The following MAN2A2 variants were observed in gnomAD, a reference collection of about 807,000 sequenced individuals.
The protein encoded by MAN2A2 is mannosidase alpha class 2A member 2, also known as alpha-mannosidase 2x.
A neutral mutation model predicts 126.8 loss-of-function variants in MAN2A2; 79 were observed. The ratio of observed to expected loss-of-function variants is 0.62; its 90% confidence interval spans 0.52 to 0.75. The LOEUF is 0.75. Among genes scored for constraint, MAN2A2 ranks in the 30% least tolerant of loss-of-function variants. The probability of loss-of-function intolerance (pLI) is 0.00; values close to 1 mark genes in which losing one functional copy is unlikely to be tolerated. For synonymous variants in MAN2A2, 671 were observed against 618.7 expected (o/e 1.08, Z -1.25); for missense variants, 1,392 against 1,522.4 (o/e 0.91, Z 1.43).
intron 22 of MAN2A2, among the ~76,000 whole-genome samples, chr15:90,919,416 G>A (rs148757874): frequency 6.6e-6 from 1 of 152,284 alleles, no homozygotes; most frequent in East Asian, 1.9e-4. Context: ...TTTTTATATT[G>A]TTAGTAGAGA....
rs902900424 is a variant in MAN2A2, at chr15:90,910,351, G to A, written c.1577+59G>A. 1.9e-6 allele frequency: 3 copies of A among 1,601,048 alleles called. No individual in the cohort carries two copies. In the African/African-American group the frequency reaches 4.0e-5, roughly 21 times the overall value. On this transcript the variant is annotated intron_variant, in intron 10 of 22. Transcript: ENST00000559717. ...GGAGAGTCAGCCTTTGGGGTTTAAGGAGGGGCTGGATTGGCTCAGAAGGGA... is the reference window on the plus strand; with the variant it reads ...GGAGAGTCAGCCTTTGGGGTTTAAGAAGGGGCTGGATTGGCTCAGAAGGGA...
In MAN2A2 at chr15:90,905,472, T is replaced by C; in HGVS notation, c.354T>C (p.Phe118=). ...FFSISPQDCQ[F]ALGGRGQKPE... is the part of the protein sequence containing the mutation. ...CCATCTCCCCGCAGGACTGCCAGTT[T>C]GCTTTGGGGGGCCGGGGTCAGAAGC... The change falls in exon 3 of 23, where the codon TTT becomes TTC. Residue 118 remains phenylalanine, a synonymous_variant. Coordinates refer to ENST00000559717, the MANE Select transcript of MAN2A2 (RefSeq NM_006122.4). The C allele has an allele frequency of 6.2e-7, 1 of 1,613,982 alleles. No individual in the cohort carries two copies. The highest frequency in any genetic ancestry group is 8.5e-7 in the Non-Finnish European group (1 of 1,180,010).
At chr15:90,918,870 A>T in intron 22 of MAN2A2, 115 bp downstream of exon 22, 1 of 757,690 alleles carries the variant, frequency 1.3e-6, no homozygotes, top group Non-Finnish European at 2.2e-6. Flanking sequence ...GGCTTTCTGG[A>T]GAGAAGGGGG....
At position 90,922,241 on chromosome 15, in the gene MAN2A2, GAA is replaced by G. The variant is rs2035575423; in HGVS notation, c.*2456_*2457del. 1 of 152,188 alleles carries G rather than the reference GAA, an allele frequency of 6.6e-6. No individual in the cohort carries two copies. Among genetic ancestry groups the G allele is most frequent in the South Asian group, 2.1e-4 (1 of 4,834 alleles). The allele number at this position is 152,188 out of a possible 1,614,324, so 9.4% of individuals were successfully genotyped here. A position where few individuals can be genotyped will look rare whatever the true frequency, so the allele number is the denominator to read the frequency against. On this transcript the variant is annotated 3_prime_UTR_variant, in exon 23 of 23. Transcript: ENST00000559717. ...AAAAGCTTGCTTCAGGGTCCTTAGA[GAA>G]AGTCACTGGGGCCTGCCAAGCTGCC...
chr15:90,905,491 C>T lies in MAN2A2; in HGVS notation c.373C>T (p.Gln125Ter). 1.2e-6 allele frequency: 2 copies of T among 1,614,022 alleles called. No homozygotes were observed. Among genetic ancestry groups the T allele is most frequent in the East Asian group, 2.2e-5 (1 of 44,882 alleles). Residue 125 changes from glutamine to a stop codon, truncating the protein, a stop_gained, in exon 3 of 23, where the codon CAG becomes TAG. Transcript: ENST00000559717. LOFTEE classifies it high-confidence loss of function. Reference sequence around the variant, plus strand: ...CCAGTTTGCTTTGGGGGGCCGGGGTCAGAAGCCAGAGCTGCAGGTAAGAGT... The same window carrying T: ...CCAGTTTGCTTTGGGGGGCCGGGGTTAGAAGCCAGAGCTGCAGGTAAGAGT... The part of the protein sequence containing the change: ...DCQFALGGRG[Q>*]KPELQMLTVS...
intron 8 of MAN2A2, among the ~76,000 whole-genome samples, chr15:90,907,942 G>GCA (rs1481630670): frequency 6.6e-6 from 1 of 152,196 alleles, no homozygotes; most frequent in African/African-American, 2.4e-5. Flanking sequence ...CCTAAAGATA[G>GCA]CACTCTTGCT....
chr15:90,906,629 C>G, intron 6 of MAN2A2, 111 bp from the exon 7 acceptor site: 1 of 1,558,652 alleles, frequency 6.4e-7, no homozygotes, highest in Non-Finnish European at 8.7e-7. Flanking sequence ...GGTGTGATAT[C>G]ATCTCTCCAC....
intron 12 of MAN2A2, 37 bp from the exon 13 acceptor site, chr15:90,911,134 C>T: frequency 6.2e-7 from 1 of 1,608,036 alleles, no homozygotes. Flanking sequence ...AGGCTGAGCC[C>T]ATGATGGTTC....
intron 5 of MAN2A2, 45 bp from the exon 6 acceptor site, chr15:90,906,325 G>A: frequency 6.2e-7 from 1 of 1,611,816 alleles, no homozygotes; most frequent in East Asian, 2.2e-5. Flanking sequence ...GGCAGGACTG[G>A]GCAGAGTGTC....
chr15:90,912,324 G>T, intron 15 of MAN2A2, 45 bp downstream of exon 15: 2 of 1,604,114 alleles, frequency 1.2e-6, no homozygotes, highest in Non-Finnish European at 1.7e-6. Flanking sequence ...CCAGAGTAGG[G>T]CGTGTGTGGT....
rs760044712 is a variant in MAN2A2, at chr15:90,909,424, C to G, written c.1294C>G (p.Pro432Ala). 6.2e-7 allele frequency: 1 copy of G among 1,614,134 alleles called. No individual in the cohort carries two copies. The highest frequency in any genetic ancestry group is 1.3e-5 in the African/African-American group (1 of 75,026). ...TGGAGATGACTTCCGATATGACAAG[C>G]CCCAGGAGTGGGATGCCCAGTTCTT... ...PLGDDFRYDK[P>A]QEWDAQFFNY... Residue 432 changes from proline to alanine, a missense_variant, in exon 9 of 23, where the codon CCC becomes GCC. By Grantham distance (27) the Pro-to-Ala change is conservative. Coordinates refer to ENST00000559717, the MANE Select transcript of MAN2A2 (RefSeq NM_006122.4).
chr15:90,916,105 C>T lies in MAN2A2; in HGVS notation c.2861-18C>T. ...TTGGGGGTGGGGGCGGGCCAGCACT[C>T]ACTGTTTGCTTCCCCAGGCCAGCTG... On this transcript the variant is annotated intron_variant, in intron 19 of 22. Coordinates refer to ENST00000559717, the MANE Select transcript of MAN2A2 (RefSeq NM_006122.4). The T allele has an allele frequency of 1.2e-6, 2 of 1,613,414 alleles. No individual in the cohort carries two copies. The highest frequency in any genetic ancestry group is 1.7e-6 in the Non-Finnish European group (2 of 1,179,690).
At position 90,910,651 on chromosome 15, in the gene MAN2A2, C is replaced by A; in HGVS notation, c.1728C>A (p.Ala576=). ...ATCACGATGCCATCACTGGCACGGC[C>A]AAGGAGGCTGTGGTGGTGGACTATG... is the stretch of plus-strand genomic sequence containing the variant. The part of the protein sequence containing the change: ...FQHHDAITGT[A]KEAVVVDYGV... Residue 576 remains alanine (A), a synonymous_variant, in exon 11 of 23, where the codon GCC becomes GCA. Coordinates refer to ENST00000559717, the MANE Select transcript of MAN2A2 (RefSeq NM_006122.4). 6.2e-7 allele frequency: 1 copy of A among 1,614,090 alleles called. No homozygotes were observed. The highest frequency in any genetic ancestry group is 8.5e-7 in the Non-Finnish European group (1 of 1,180,022).
rs963920905 is a variant in MAN2A2, at chr15:90,912,895, C to A, written c.2488C>A (p.Pro830Thr). Residue 830 changes from proline to threonine, a missense_variant, in exon 17 of 23, where the codon CCC (proline) becomes ACC (threonine). Pro to Thr is a conservative substitution (Grantham distance 38). Transcript: ENST00000559717. ...GEAKPYVPKEPPVLRVTEGPF... is the reference protein window; with the variant it reads ...GEAKPYVPKETPVLRVTEGPF... ...TCTCTAGCCCTACGTCCCCAAGGAG[C>A]CCCCCGTGCTGCGTGTCACTGAAGG... The A allele has an allele frequency of 6.2e-7, 1 of 1,613,452 alleles. No homozygotes were observed. The highest frequency in any genetic ancestry group is 2.2e-5 in the East Asian group (1 of 44,874).
intron 1 of MAN2A2, 166 bp from the exon 2 acceptor site, chr15:90,904,024 A>G: frequency 1.4e-6 from 1 of 731,940 alleles, no homozygotes; most frequent in Non-Finnish European, 2.4e-6. Flanking sequence ...CAGAGCTGCT[A>G]CCAGGACCAG....
rs1277613342 is a variant in MAN2A2, at chr15:90,914,832, T to C, written c.2860+1077T>C. Among the ~76,000 whole-genome samples, 6 of 152,202 alleles carry C rather than the reference T, an allele frequency of 3.9e-5. No homozygotes were observed. The East Asian group carries it at 1.2e-3, about 29-fold the overall frequency. ...CACGCCCGGCCAAGACTGACGTTCT[T>C]AAGAATCAAGACGGGCATGGGGAGC... On this transcript the variant is annotated intron_variant, in intron 19 of 22. Transcript: ENST00000559717.
At chr15:90,904,037 G>A (rs1223874523) in intron 1 of MAN2A2, 153 bp from the exon 2 acceptor site, 2 of 790,450 alleles carry the variant, frequency 2.5e-6, no homozygotes, top group Non-Finnish European at 4.4e-6. Context: ...AGGACCAGGT[G>A]GGCCAGCCTC....
rs372617199 is a variant in MAN2A2, at chr15:90,912,297, T to C, written c.2346+18T>C. On this transcript the variant is annotated intron_variant, in intron 15 of 22. Transcript: ENST00000559717. ...TCCTCAAGGTAAAAGGCCAGGGTGGTGGGGAAGGGCCAGGGGCCAGAGTAG... is the reference window on the plus strand; with the variant it reads ...TCCTCAAGGTAAAAGGCCAGGGTGGCGGGGAAGGGCCAGGGGCCAGAGTAG... 6.2e-5 allele frequency: 100 copies of C among 1,612,868 alleles called. No homozygotes were observed. The South Asian group carries it at 9.8e-4, about 16-fold the overall frequency.
intron 6 of MAN2A2, 97 bp from the exon 7 acceptor site, chr15:90,906,643 C>T (rs1279298407): frequency 1.1e-5 from 18 of 1,567,914 alleles, no homozygotes; most frequent in Non-Finnish European, 1.6e-5. Context: ...TCTCCACTCA[C>T]TACCAGGACA....
Sources: gnomAD v4.1 joint callset for allele counts (sites outside exome capture counted in the v4.1 genomes callset) on GRCh38, gnomAD v4.1.1 for gene constraint, MANE v1.5 for transcripts, NCBI Gene and HGNC (gene_info 2026-07-23, HGNC 2026-07-21) for gene names.